The following TANGO6 variants were observed in gnomAD, a reference collection of about 807,000 sequenced individuals.
The protein encoded by TANGO6 is transport and golgi organization 6 homolog.
TANGO6 carries 90 observed loss-of-function variants against 114.2 expected under a neutral mutation model. That is an observed-to-expected ratio of 0.79 (90% CI 0.66 to 0.94). TANGO6 has a LOEUF of 0.94. Among genes scored for constraint, TANGO6 ranks in the 40% least tolerant of loss-of-function variants. TANGO6 has a pLI of 0.00. For synonymous variants in TANGO6, 477 were observed against 509.8 expected, an observed-to-expected ratio of 0.94 and a Z score of 0.87; for missense variants, 1,274 against 1,315.3, an observed-to-expected ratio of 0.97 and a Z score of 0.49.
At chr16:68,944,123 AGTTTT>A (rs1963388702) in intron 14 of TANGO6, among the ~76,000 whole-genome samples, 1 of 152,178 alleles carries the variant, frequency 6.6e-6, no homozygotes, top group Non-Finnish European at 1.5e-5. Context: ...CTTTTAGTTT[AGTTTT>A]AAGAACAACA....
At chr16:68,926,268 C>A (rs930511542) in intron 12 of TANGO6, among the ~76,000 whole-genome samples, 2 of 151,878 alleles carry the variant, frequency 1.3e-5, no homozygotes, top group Non-Finnish European at 2.9e-5. Context: ...CCAAGGTGGG[C>A]GGATCACCTG....
chr16:68,996,861 A>G (rs1567555603), intron 15 of TANGO6, among the ~76,000 whole-genome samples: 1 of 152,200 alleles, frequency 6.6e-6, no homozygotes, highest in South Asian at 2.1e-4. Context: ...GGGAGGATTT[A>G]AACACTCTAA....
intron 16 of TANGO6, chr16:69,035,517 T>C (rs932083825): frequency 1.3e-5 from 2 of 152,246 alleles, no homozygotes; most frequent in East Asian, 3.8e-4. Context: ...GCCATTTGTA[T>C]TATCTTTATT....
chr16:68,940,957 A>G (rs1284163413), intron 14 of TANGO6, among the ~76,000 whole-genome samples: 1 of 152,212 alleles, frequency 6.6e-6, no homozygotes, highest in Non-Finnish European at 1.5e-5. Context: ...GCATTTATTT[A>G]TAGTCTTAAA....
intron 17 of TANGO6, among the ~76,000 whole-genome samples, chr16:69,054,979 G>A (rs1041819441): frequency 2.8e-4 from 40 of 143,186 alleles, no homozygotes; most frequent in African/African-American, 9.0e-4. Context: ...TGTTGCTATT[G>A]TCTTGTTAGT....
At chr16:68,887,975 A>G (rs1241184843) in intron 7 of TANGO6, among the ~76,000 whole-genome samples, 1 of 152,062 alleles carries the variant, frequency 6.6e-6, no homozygotes, top group Admixed American at 6.5e-5. Flanking sequence ...AGGGCTTTTT[A>G]CTCTTGCGTC....
intron 17 of TANGO6, among the ~76,000 whole-genome samples, chr16:69,075,541 C>A (rs1172872824): frequency 6.6e-6 from 1 of 151,498 alleles, no homozygotes; most frequent in Admixed American, 6.6e-5. Context: ...GCAGCCTCAG[C>A]CTCCTGGGTT....
intron 9 of TANGO6, among the ~76,000 whole-genome samples, chr16:68,905,007 G>A (rs532020551): frequency 9.2e-5 from 14 of 152,216 alleles, no homozygotes; most frequent in Admixed American, 5.9e-4. Flanking sequence ...CGGATCACCT[G>A]AGGTCAAGAG....
Position 69,050,999 on chromosome 16 carries a change from G to A in TANGO6, c.3108+10578G>A, listed in dbSNP as rs150952766. On this transcript the variant is annotated intron_variant, in intron 17 of 17. Transcript: ENST00000261778. ...TTTTAATTGGGTTGTCTTTATTGTT[G>A]ATTTATTTATTTTCTAATTTAATTT... Among the ~76,000 whole-genome samples the A allele has an allele frequency of 2.9e-3, 441 of 151,386 alleles. 3 individuals carry two copies. The highest frequency in any genetic ancestry group is 0.01 in the African/African-American group (416 of 41,292).
intron 16 of TANGO6, among the ~76,000 whole-genome samples, chr16:69,031,059 A>T (rs928396014): frequency 2.6e-5 from 4 of 151,974 alleles, no homozygotes; most frequent in Non-Finnish European, 5.9e-5. Context: ...GATCTCAAAA[A>T]ATAAAATTAA....
intron 17 of TANGO6, among the ~76,000 whole-genome samples, chr16:69,046,992 C>T (rs1373866038): frequency 6.6e-6 from 1 of 151,124 alleles, no homozygotes; most frequent in Non-Finnish European, 1.5e-5. Flanking sequence ...ACCAGCCTGA[C>T]CAACATGGTG....
At chr16:68,926,280 G>T (rs1349516477) in intron 12 of TANGO6, among the ~76,000 whole-genome samples, 1 of 151,948 alleles carries the variant, frequency 6.6e-6, no homozygotes, top group Non-Finnish European at 1.5e-5. Context: ...GATCACCTGA[G>T]GTCCGGAGTT....
chr16:68,985,493 T>G (rs1208100507), intron 15 of TANGO6, among the ~76,000 whole-genome samples: 1 of 152,128 alleles, frequency 6.6e-6, no homozygotes, highest in Non-Finnish European at 1.5e-5. Flanking sequence ...GCAGGTCACT[T>G]GAGCCCAGGA....
At chr16:69,081,499 A>G (rs1960465061) in intron 17 of TANGO6, among the ~76,000 whole-genome samples, 1 of 151,206 alleles carries the variant, frequency 6.6e-6, no homozygotes, top group African/African-American at 2.4e-5. Context: ...GCGTGCCACC[A>G]CACCTGCTAA....
At chr16:68,900,603 T>G in intron 8 of TANGO6, 57 bp downstream of exon 8, 1 of 1,355,518 alleles carries the variant, frequency 7.4e-7, no homozygotes, top group South Asian at 1.3e-5. Flanking sequence ...TTTTGCATGT[T>G]GTTTTTGTTC....
At chr16:68,865,234 C>T (rs925426207) in intron 3 of TANGO6, among the ~76,000 whole-genome samples, 4 of 151,058 alleles carry the variant, frequency 2.6e-5, no homozygotes, top group Admixed American at 6.6e-5. Context: ...CCAGATCGCG[C>T]CACTGCACTC....
intron 16 of TANGO6, among the ~76,000 whole-genome samples, chr16:69,028,856 CAAAAAA>C (rs397761274): frequency 9.6e-4 from 63 of 65,554 alleles, no homozygotes; most frequent in African/African-American, 1.8e-3. Context: ...CCCAGTTTAA[CAAAAAA>C]AAAAAAAAAA....
chr16:68,914,459 G>C (rs1442684300), intron 11 of TANGO6, among the ~76,000 whole-genome samples: 1 of 152,152 alleles, frequency 6.6e-6, no homozygotes, highest in Non-Finnish European at 1.5e-5. Context: ...ACCGCGCCTG[G>C]ACTTAATGTT....
At chr16:68,916,406 A>T (rs1165930088) in intron 11 of TANGO6, among the ~76,000 whole-genome samples, 1 of 152,026 alleles carries the variant, frequency 6.6e-6, no homozygotes, top group Non-Finnish European at 1.5e-5. Flanking sequence ...CTAACACCTG[A>T]TGATCTGAGG....
Sources: allele counts gnomAD v4.1 joint callset (sites outside exome capture counted in the v4.1 genomes callset), GRCh38; gene constraint gnomAD v4.1.1; transcripts MANE v1.5; gene names NCBI Gene and HGNC (gene_info 2026-07-23, HGNC 2026-07-21).